MACROD2: variants seen among roughly 807,000 people sequenced by gnomAD.
MACROD2 encodes the protein ADP-ribose glycohydrolase MACROD2.
A neutral mutation model predicts 70.4 loss-of-function variants in MACROD2; 36 were observed. That is an observed-to-expected ratio of 0.51 (90% CI 0.39 to 0.68). MACROD2 has a LOEUF of 0.68. MACROD2 is among the 30% of genes least tolerant of loss of function. MACROD2 has a pLI of 0.00. For missense variants in MACROD2, 496 were observed against 538.4 expected (o/e 0.92, Z 0.78); for synonymous variants, 172 against 178.8 (o/e 0.96, Z 0.30).
Position 16,050,896 on chromosome 20 carries a change from GC to G in MACROD2, c.*1022del, listed in dbSNP as rs758546935. 2.0e-5 allele frequency: 3 copies of G among 152,210 alleles called. No homozygotes were observed. Among genetic ancestry groups the G allele is most frequent in the Non-Finnish European group, 4.4e-5 (3 of 68,078 alleles). The allele number at this position is 152,210 out of a possible 1,614,324, so 9.4% of individuals were successfully genotyped here. ...TTTTGCTTGCAGTTCTGCCTTCCTGGCCTGTGTTTAAATGCTGTCACTTGTT... is the reference window on the plus strand; with the variant it reads ...TTTTGCTTGCAGTTCTGCCTTCCTGGCTGTGTTTAAATGCTGTCACTTGTT... On this transcript the variant is annotated 3_prime_UTR_variant, in exon 18 of 18. Coordinates refer to ENST00000684519, the MANE Select transcript of MACROD2 (RefSeq NM_001351661.2).
chr20:15,081,184 TG>T (rs1176061803), intron 5 of MACROD2, among the ~76,000 whole-genome samples: 1 of 152,000 alleles, frequency 6.6e-6, no homozygotes, highest in Middle Eastern at 3.4e-3. Context: ...AATAAAATTT[TG>T]TAATAAAAAA....
At chr20:14,825,190 GAGAA>G (rs2072887753) in intron 5 of MACROD2, among the ~76,000 whole-genome samples, 1 of 152,060 alleles carries the variant, frequency 6.6e-6, no homozygotes, top group Admixed American at 6.6e-5. Flanking sequence ...TTGAGAACAA[GAGAA>G]AGAGATTCCT....
At chr20:15,572,010 G>T (rs141155404) in intron 8 of MACROD2, among the ~76,000 whole-genome samples, 2 of 152,118 alleles carry the variant, frequency 1.3e-5, no homozygotes, top group African/African-American at 4.8e-5. Context: ...ACATCCCCTG[G>T]AATCAAAGGG....
chr20:15,985,162 A>T (rs1374574910), intron 13 of MACROD2, among the ~76,000 whole-genome samples: 3 of 152,130 alleles, frequency 2.0e-5, no homozygotes, highest in African/African-American at 7.2e-5. Context: ...ATTTTTTAAC[A>T]TAGTTCCTAG....
chr20:14,107,509 C>T (rs1279966386), intron 3 of MACROD2, among the ~76,000 whole-genome samples: 1 of 151,876 alleles, frequency 6.6e-6, no homozygotes, highest in East Asian at 1.9e-4. Flanking sequence ...CAGAGAATTC[C>T]CCAAACCTAG....
intron 11 of MACROD2, among the ~76,000 whole-genome samples, chr20:15,936,894 G>A (rs1352281499): frequency 6.6e-6 from 1 of 152,044 alleles, no homozygotes; most frequent in Non-Finnish European, 1.5e-5. Context: ...GGAACAGAGA[G>A]TTCCATGTCC....
intron 7 of MACROD2, among the ~76,000 whole-genome samples, chr20:15,462,197 A>G (rs1271843057): frequency 6.6e-6 from 1 of 152,204 alleles, no homozygotes; most frequent in African/African-American, 2.4e-5. Flanking sequence ...ATTTACATGA[A>G]GTGAAAAATT....
At position 14,035,167 on chromosome 20, in the gene MACROD2, A is replaced by C. The variant is rs532525912; in HGVS notation, c.163+32763A>C. Reference sequence around the variant, plus strand: ...ATAGGTAGATGATAAAAGCTTCTGCAAGTATTTTTATAGCTTTGTACTTGC... The same window carrying C: ...ATAGGTAGATGATAAAAGCTTCTGCCAGTATTTTTATAGCTTTGTACTTGC... On this transcript the variant is annotated intron_variant, in intron 2 of 17. Coordinates refer to ENST00000684519, the MANE Select transcript of MACROD2 (RefSeq NM_001351661.2). Among the ~76,000 whole-genome samples, 36 of 152,330 alleles carry C rather than the reference A, an allele frequency of 2.4e-4. No homozygotes were observed. The South Asian group carries it at 6.8e-3, about 29-fold the overall frequency.
At chr20:14,489,773 G>A (rs1471194077) in intron 3 of MACROD2, among the ~76,000 whole-genome samples, 1 of 152,026 alleles carries the variant, frequency 6.6e-6, no homozygotes, top group African/African-American at 2.4e-5. Flanking sequence ...GTCTTGGGTG[G>A]GGTAGAAATG....
chr20:14,908,276 G>C (rs1042861262), intron 5 of MACROD2, among the ~76,000 whole-genome samples: 6 of 152,086 alleles, frequency 3.9e-5, no homozygotes, highest in African/African-American at 1.4e-4. Flanking sequence ...AGGAGGCAGC[G>C]GTTGCAGTGA....
chr20:15,187,724 C>T (rs1407607962), intron 5 of MACROD2, among the ~76,000 whole-genome samples: 3 of 152,126 alleles, frequency 2.0e-5, no homozygotes, highest in Admixed American at 1.3e-4. Flanking sequence ...AAATACTTAG[C>T]ATTTTTATCA....
rs564668523 is a variant in MACROD2, at chr20:14,396,663, C to T, written c.272-96816C>T. ...AATCTGGGCTGAGCGCAGTGGCTCA[C>T]GCCTGTAATCCCAGCACTTTGGGAG... On this transcript the variant is annotated intron_variant, in intron 3 of 17. Coordinates refer to ENST00000684519, the MANE Select transcript of MACROD2 (RefSeq NM_001351661.2). 9.2e-5 allele frequency among the ~76,000 whole-genome samples: 14 copies of T among 152,088 alleles called. No homozygotes were observed. The East Asian group carries it at 2.5e-3, about 28-fold the overall frequency.
rs866008128 is a variant in MACROD2, at chr20:15,055,946, A to G, written c.419-173994A>G. ...GGATTATAGGCGCCCACCACCATGC[A>G]CAGCTAATTTTTGTATTTTTAGTAG... On this transcript the variant is annotated intron_variant, in intron 5 of 17. Coordinates refer to ENST00000684519, the MANE Select transcript of MACROD2 (RefSeq NM_001351661.2). Among the ~76,000 whole-genome samples, 14 of 151,606 alleles carry G rather than the reference A, an allele frequency of 9.2e-5. 1 individual carries two copies. Among genetic ancestry groups the G allele is most frequent in the African/African-American group, 3.1e-4 (13 of 41,332 alleles).
intron 15 of MACROD2, among the ~76,000 whole-genome samples, chr20:16,015,020 T>A (rs1008877277): frequency 6.6e-6 from 1 of 152,220 alleles, no homozygotes; most frequent in African/African-American, 2.4e-5. Flanking sequence ...TTCCTCTTTT[T>A]TTTAATAGAA....
chr20:15,487,400 A>C (rs1371278236), intron 7 of MACROD2, among the ~76,000 whole-genome samples: 1 of 152,248 alleles, frequency 6.6e-6, no homozygotes, highest in Admixed American at 6.5e-5. Flanking sequence ...AATGAGTTTT[A>C]GGATGATGTC....
At chr20:14,065,607 T>G (rs1283386821) in intron 2 of MACROD2, among the ~76,000 whole-genome samples, 3 of 152,214 alleles carry the variant, frequency 2.0e-5, no homozygotes, top group African/African-American at 4.8e-5. Flanking sequence ...CTAGGGCACT[T>G]TCTCACATGC....
At chr20:15,624,060 A>G (rs951646363) in intron 8 of MACROD2, among the ~76,000 whole-genome samples, 1 of 152,200 alleles carries the variant, frequency 6.6e-6, no homozygotes, top group Non-Finnish European at 1.5e-5. Flanking sequence ...CCTCAAAAGT[A>G]GGGAAGCCAA....
At chr20:14,097,129 AG>A (rs1461461942) in intron 3 of MACROD2, among the ~76,000 whole-genome samples, 4 of 152,194 alleles carry the variant, frequency 2.6e-5, no homozygotes. Flanking sequence ...CTGTAATTTA[AG>A]GGTTCATCAA....
At chr20:14,139,621 A>G (rs910514356) in intron 3 of MACROD2, among the ~76,000 whole-genome samples, 2 of 152,232 alleles carry the variant, frequency 1.3e-5, no homozygotes, top group Non-Finnish European at 2.9e-5. Context: ...ATACTCCTGT[A>G]AAGTTTGAGG....
Sources: gnomAD v4.1 joint callset for allele counts (sites outside exome capture counted in the v4.1 genomes callset) on GRCh38, gnomAD v4.1.1 for gene constraint, MANE v1.5 for transcripts, NCBI Gene and HGNC (gene_info 2026-07-23, HGNC 2026-07-21) for gene names.